Variants in ZNF225 observed in about 807,000 individuals in gnomAD.
ZNF225 encodes zinc finger protein 225.
A neutral mutation model predicts 12.0 loss-of-function variants in ZNF225; 6 were observed. The ratio of observed to expected loss-of-function variants is 0.50; its 90% CI spans 0.27 to 0.98. The LOEUF (loss-of-function observed/expected upper bound fraction) is 0.98. Among genes scored for constraint, ZNF225 ranks in the 50% least tolerant of loss-of-function variants. ZNF225 has a pLI of 0.11. For synonymous variants in ZNF225, 271 were observed against 283.2 expected (o/e 0.96, Z 0.43); for missense variants, 763 against 848.2 (o/e 0.90, Z 1.25).
intron 1 of ZNF225, chr19:44,114,361 T>C: frequency 2.6e-6 from 1 of 390,732 alleles, no homozygotes; most frequent in Non-Finnish European, 4.6e-6. Flanking sequence ...TCATCGTTTT[T>C]TCTTGGTATT....
intron 4 of ZNF225, chr19:44,129,237 C>G: frequency 1.6e-6 from 1 of 639,188 alleles, no homozygotes; most frequent in Non-Finnish European, 2.2e-6. Context: ...AAGAGCTTAA[C>G]CAATTGCAAA....
In ZNF225 at chr19:44,134,460, T is replaced by C. The variant is rs1050664024; in HGVS notation, c.*1725T>C. ...TAAAGGCCAGTCTTATAAGCAGTCC[T>C]TTCTAAGATTTGCAGTCTCAGGCCT... On this transcript the variant is annotated 3_prime_UTR_variant, in exon 5 of 5. Coordinates refer to ENST00000262894, the MANE Select transcript of ZNF225 (RefSeq NM_013362.4). The C allele has an allele frequency of 4.6e-5, 7 of 152,212 alleles. No homozygotes were observed. Among genetic ancestry groups the C allele is most frequent in the Non-Finnish European group, 1.0e-4 (7 of 68,040 alleles). The allele number at this position is 152,212 out of a possible 1,614,324, so 9.4% of individuals were successfully genotyped here.
chr19:44,128,457 A>G (rs1294377043), intron 4 of ZNF225: 2 of 152,170 alleles, frequency 1.3e-5, no homozygotes, highest in Admixed American at 1.3e-4. Context: ...AAAATCTCTT[A>G]TTTATAAGGG....
At chr19:44,123,731 T>C (rs926356861) in intron 4 of ZNF225, among the ~76,000 whole-genome samples, 7 of 152,192 alleles carry the variant, frequency 4.6e-5, no homozygotes, top group Non-Finnish European at 8.8e-5. Flanking sequence ...GGGTTGCATT[T>C]TTCCAGGAAT....
intron 1 of ZNF225, among the ~76,000 whole-genome samples, chr19:44,114,534 G>A (rs887300986): frequency 6.6e-6 from 1 of 151,558 alleles, no homozygotes; most frequent in African/African-American, 2.4e-5. Flanking sequence ...TTCTTGAGAC[G>A]GAGTTTCGCT....
chr19:44,114,028 GCCTTCTGACCTCT>G (rs1262715392), intron 1 of ZNF225: 17 of 326,746 alleles, frequency 5.2e-5, no homozygotes, highest in Non-Finnish European at 5.6e-6. Flanking sequence ...GATCCCGGAC[GCCTTCTGACCTCT>G]CTTTTAGGAA....
chr19:44,115,488 G>A (rs929541169), intron 1 of ZNF225: 3 of 203,140 alleles, frequency 1.5e-5, no homozygotes, highest in East Asian at 1.1e-4. Context: ...CTTTCACTTA[G>A]CATAATGTTT....
intron 4 of ZNF225, chr19:44,130,054 G>A (rs1331356369): frequency 1.3e-5 from 2 of 152,138 alleles, no homozygotes; most frequent in Non-Finnish European, 2.9e-5. Flanking sequence ...CATATGACAC[G>A]TGGTGTGGTT....
chr19:44,127,893 C>T (rs538160738), intron 4 of ZNF225, among the ~76,000 whole-genome samples: 11 of 152,212 alleles, frequency 7.2e-5, no homozygotes, highest in East Asian at 1.9e-4. Flanking sequence ...CTGCCCACCT[C>T]GGCCTCCCAA....
rs952600234 is a variant in ZNF225, at chr19:44,134,549, G to A, written c.*1814G>A. The A allele has an allele frequency of 1.3e-5, 2 of 152,116 alleles. No homozygotes were observed. Among genetic ancestry groups the A allele is most frequent in the African/African-American group, 4.8e-5 (2 of 41,426 alleles). The allele number at this position is 152,116 out of a possible 1,614,324, so 9.4% of individuals were successfully genotyped here. A position where few individuals can be genotyped will look rare whatever the true frequency, so the allele number is the denominator to read the frequency against. On this transcript the variant is annotated 3_prime_UTR_variant, in exon 5 of 5. Coordinates refer to ENST00000262894, the MANE Select transcript of ZNF225 (RefSeq NM_013362.4). Reference sequence around the variant, plus strand: ...GTTGGCTCAGTCTTCTTTTTGTTTTGTGTGTTTTGGTTTTTAACTGTCACC... The same window carrying A: ...GTTGGCTCAGTCTTCTTTTTGTTTTATGTGTTTTGGTTTTTAACTGTCACC...
At chr19:44,119,140 C>A (rs1315379076) in intron 4 of ZNF225, among the ~76,000 whole-genome samples, 26 of 152,126 alleles carry the variant, frequency 1.7e-4, no homozygotes, top group African/African-American at 2.9e-4. Flanking sequence ...ACTTAAGTTA[C>A]AAGTGTTTTA....
Position 44,115,768 on chromosome 19 carries a change from C to T in ZNF225, c.-60C>T, listed in dbSNP as rs1220484768. ...TCCCTGGTACTTTCCAGGCAGGATT[C>T]TGCTTTCCCTTGGACTGTATCACTC... On this transcript the variant is annotated 5_prime_UTR_variant, in exon 2 of 5. Coordinates refer to ENST00000262894, the MANE Select transcript of ZNF225 (RefSeq NM_013362.4). The T allele has an allele frequency of 6.4e-7, 1 of 1,558,036 alleles. No homozygotes were observed. The highest frequency in any genetic ancestry group is 8.7e-7 in the Non-Finnish European group (1 of 1,147,824).
At position 44,132,975 on chromosome 19, in the gene ZNF225, A is replaced by G. The variant is rs1054292553; in HGVS notation, c.*240A>G. 2 of 341,454 alleles carry G rather than the reference A, an allele frequency of 5.9e-6. No individual in the cohort carries two copies. Among genetic ancestry groups the G allele is most frequent in the African/African-American group, 4.3e-5 (2 of 46,816 alleles). The allele number at this position is 341,454 out of a possible 1,614,324, so 21.2% of individuals were successfully genotyped here. A position where few individuals can be genotyped will look rare whatever the true frequency, so the allele number is the denominator to read the frequency against. On this transcript the variant is annotated 3_prime_UTR_variant, in exon 5 of 5. Transcript: ENST00000262894. ...CCTACCTGCCTGTATTTCTGTATTC[A>G]TTAACCAACCTTTGGCTACCACCCT... is the stretch of plus-strand genomic sequence containing the variant.
intron 4 of ZNF225, among the ~76,000 whole-genome samples, chr19:44,120,642 A>G (rs1330146283): frequency 6.6e-6 from 1 of 152,170 alleles, no homozygotes; most frequent in South Asian, 2.1e-4. Context: ...GGAAACTTCT[A>G]AGTGTTCTTT....
At chr19:44,126,136 T>C (rs941799280) in intron 4 of ZNF225, among the ~76,000 whole-genome samples, 10 of 152,050 alleles carry the variant, frequency 6.6e-5, no homozygotes, top group Admixed American at 3.9e-4. Flanking sequence ...ATTACCAGAG[T>C]TGGTTTTCTG....
At position 44,119,068 on chromosome 19, in the gene ZNF225, G is replaced by A. The variant is rs373351341; in HGVS notation, c.235+494G>A. On this transcript the variant is annotated intron_variant, in intron 4 of 4. Coordinates refer to ENST00000262894, the MANE Select transcript of ZNF225 (RefSeq NM_013362.4). The stretch of plus-strand genomic sequence containing the variant: ...CCTGACCTCGTGATCCGCCCGCCTT[G>A]GCCTCCCAAAGTGCTGGGATTACAG... 1.7e-3 allele frequency among the ~76,000 whole-genome samples: 253 copies of A among 152,150 alleles called. 4 individuals are homozygous for A. In the South Asian group the frequency reaches 0.027, roughly 16 times the overall value.
intron 1 of ZNF225, among the ~76,000 whole-genome samples, chr19:44,113,804 GTTCT>G (rs1000639168): frequency 2.0e-5 from 3 of 152,216 alleles, no homozygotes; most frequent in African/African-American, 7.2e-5. Context: ...TCCCGTTACA[GTTCT>G]TTAAGATGGG....
At position 44,132,222 on chromosome 19, in the gene ZNF225, A is replaced by C. The variant is rs373993205; in HGVS notation, c.1608A>C (p.Gly536=). ...ATTCTCATCGCAGAGTCCACACTGG[A>C]GTAAAGCCATACAAATGTGAAGAGT... ...QLYSHRRVHT[G]VKPYKCEECG... Residue 536 remains glycine (G), a synonymous_variant, in exon 5 of 5, where the codon GGA becomes GGC. Coordinates refer to ENST00000262894, the MANE Select transcript of ZNF225 (RefSeq NM_013362.4). 5 of 1,613,928 alleles carry C rather than the reference A, an allele frequency of 3.1e-6. No homozygotes were observed. The African/African-American group carries it at 6.7e-5, about 22-fold the overall frequency.
intron 2 of ZNF225, among the ~76,000 whole-genome samples, chr19:44,116,919 A>G (rs1967953325): frequency 6.6e-6 from 1 of 151,856 alleles, no homozygotes; most frequent in Non-Finnish European, 1.5e-5. Flanking sequence ...TGACATTTTA[A>G]TTTTCATTTA....
Sources: gnomAD v4.1 joint callset for allele counts (sites outside exome capture counted in the v4.1 genomes callset) on GRCh38, gnomAD v4.1.1 for gene constraint, MANE v1.5 for transcripts, NCBI Gene and HGNC (gene_info 2026-07-23, HGNC 2026-07-21) for gene names.